The following MSANTD1 variants were observed in gnomAD, a reference collection of about 807,000 sequenced individuals.
MSANTD1 encodes Myb/SANT DNA binding domain containing 1.
A neutral mutation model predicts 24.2 loss-of-function variants in MSANTD1; 7 were observed. The ratio of observed to expected loss-of-function variants is 0.29; its 90% confidence interval spans 0.16 to 0.54. The LOEUF (loss-of-function observed/expected upper bound fraction) is 0.54. Ranked by LOEUF, MSANTD1 falls within the 20% of genes least tolerant of loss-of-function variation. The pLI, the probability that MSANTD1 is intolerant of heterozygous loss-of-function variation, is 0.94. For missense variants in MSANTD1, 384 were observed against 408.2 expected, an observed-to-expected ratio of 0.94 and a Z score of 0.51; for synonymous variants, 177 against 181.1, an observed-to-expected ratio of 0.98 and a Z score of 0.18.
At position 3,255,946 on chromosome 4, in the gene MSANTD1, T is replaced by C; in HGVS notation, c.818T>C (p.Ile273Thr). 1 of 1,539,058 alleles carries C rather than the reference T, an allele frequency of 6.5e-7. No homozygotes were observed. Residue 273 changes from isoleucine to threonine, a missense_variant, in exon 3 of 3, where the codon ATC becomes ACC. By Grantham distance (89) the Ile-to-Thr change is moderately conservative (BLOSUM62 -1). Transcript: ENST00000438480. ...ATGATGAGTCTGCTGGAGAGGATCA[T>C]CACCAAGTCCAGCGTCTAGGCCAGC... ...ERMMSLLERI[I>T]TKSSV
chr4:3,253,627 C>G (rs370954483), intron 2 of MSANTD1, 145 bp downstream of exon 2: 2 of 814,542 alleles, frequency 2.5e-6, no homozygotes, highest in Admixed American at 3.2e-5. Context: ...CAGGGACAGG[C>G]GGCCTCAGAC....
At chr4:3,251,110 G>C (rs1469485141) in intron 1 of MSANTD1, among the ~76,000 whole-genome samples, 1 of 152,254 alleles carries the variant, frequency 6.6e-6, no homozygotes, top group Non-Finnish European at 1.5e-5. Context: ...GTGTGAGCCT[G>C]GGTATCTTCA....
chr4:3,252,056 C>A lies in MSANTD1; in HGVS notation c.321-1151C>A, dbSNP rs1385278818. On this transcript the variant is annotated intron_variant, in intron 1 of 2. Transcript: ENST00000438480. Reference sequence around the variant, plus strand: ...TTGTTTCCAACGGCCAATGGCCACACCCTGGCAGGTAGCAAGAGTAGGAGA... The same window carrying A: ...TTGTTTCCAACGGCCAATGGCCACAACCTGGCAGGTAGCAAGAGTAGGAGA... 3.3e-5 allele frequency among the ~76,000 whole-genome samples: 5 copies of A among 152,244 alleles called. No individual in the cohort carries two copies. The East Asian group carries it at 9.6e-4, about 29-fold the overall frequency.
intron 1 of MSANTD1, 128 bp downstream of exon 1, chr4:3,249,670 G>C (rs1238967317): frequency 1.1e-6 from 1 of 918,820 alleles, no homozygotes; most frequent in Non-Finnish European, 1.7e-6. Flanking sequence ...GGTCTCCTCT[G>C]GCCGGGTATG....
At chr4:3,255,465 C>CTG (rs1347770466) in intron 2 of MSANTD1, among the ~76,000 whole-genome samples, 2 of 152,154 alleles carry the variant, frequency 1.3e-5, no homozygotes, top group Non-Finnish European at 2.9e-5. Context: ...CTCAGGTGAT[C>CTG]CACCTGCCTC....
At position 3,253,393 on chromosome 4, in the gene MSANTD1, G is replaced by A; in HGVS notation, c.507G>A (p.Leu169=). ...SLSPPAKSTP[L]YFPYNQCSYE... ...CGCCGCCCGCTAAGTCCACCCCTCT[G>A]TACTTCCCGTATAACCAGTGCTCCT... The change falls in exon 2 of 3, where the codon CTG becomes CTA. Residue 169 remains leucine, a synonymous_variant. Coordinates refer to ENST00000438480, the MANE Select transcript of MSANTD1 (RefSeq NM_001042690.2). The A allele has an allele frequency of 6.2e-7, 1 of 1,608,498 alleles. No individual in the cohort carries two copies. The highest frequency in any genetic ancestry group is 8.5e-7 in the Non-Finnish European group (1 of 1,177,434).
upstream of MSANTD1, chr4:3,248,107 C>T (rs1401975359): frequency 6.6e-6 from 1 of 152,298 alleles, no homozygotes; most frequent in African/African-American, 2.4e-5. Context: ...GCCGTGGGCT[C>T]CACAGAGCCC....
chr4:3,246,157 C>T (rs915881581), upstream of MSANTD1, among the ~76,000 whole-genome samples: 1 of 152,172 alleles, frequency 6.6e-6, no homozygotes, highest in South Asian at 2.1e-4. Context: ...GAAGTCCAGG[C>T]TCCGGAGCCT....
chr4:3,251,189 C>T (rs529921447), intron 1 of MSANTD1, among the ~76,000 whole-genome samples: 1 of 152,358 alleles, frequency 6.6e-6, no homozygotes, highest in South Asian at 2.1e-4. Context: ...CCTGCTCAGG[C>T]ACCTGGTGAG....
chr4:3,249,118 C>T (rs1475090592), upstream of MSANTD1: 12 of 1,036,636 alleles, frequency 1.2e-5, no homozygotes, highest in Admixed American at 3.7e-5. Flanking sequence ...ATCAAAATGA[C>T]GTTTCCCGTT....
intron 1 of MSANTD1, among the ~76,000 whole-genome samples, chr4:3,249,783 C>CT (rs1230380210): frequency 1.3e-5 from 2 of 152,236 alleles, no homozygotes; most frequent in African/African-American, 4.8e-5. Flanking sequence ...GGAAACCAGT[C>CT]TAAGAGCTGA....
chr4:3,255,670 C>G lies in MSANTD1; in HGVS notation c.597-55C>G, dbSNP rs966605915. 8 of 1,466,336 alleles carry G rather than the reference C, an allele frequency of 5.5e-6. No individual in the cohort carries two copies. In the African/African-American group the frequency reaches 9.9e-5, roughly 18 times the overall value. 90.8% of individuals were successfully genotyped at this position (1,466,336 alleles called of 1,614,324 possible). On this transcript the variant is annotated intron_variant, in intron 2 of 2. Coordinates refer to ENST00000438480, the MANE Select transcript of MSANTD1 (RefSeq NM_001042690.2). ...TTGTCGGGAGGGTCCGGTGAGGCCC[C>G]TGGTGTGCCCAGGCTCTGTGGCCAG...
In MSANTD1 at chr4:3,249,205, G is replaced by A. The variant is rs1479182410; in HGVS notation, c.-18G>A. 1.4e-6 allele frequency: 2 copies of A among 1,380,844 alleles called. No homozygotes were observed. The highest frequency in any genetic ancestry group is 1.9e-6 in the Non-Finnish European group (2 of 1,070,370). 85.5% of individuals were successfully genotyped at this position (1,380,844 alleles called of 1,614,324 possible). A position where few individuals can be genotyped will look rare whatever the true frequency, so the allele number is the denominator to read the frequency against. On this transcript the variant is annotated 5_prime_UTR_variant, in exon 1 of 3. Coordinates refer to ENST00000438480, the MANE Select transcript of MSANTD1 (RefSeq NM_001042690.2). ...CGTGGAGCTGCCTTCGAGCGAGCGT[G>A]AGCGGCGCCTCCCGCCCATGGTGCG...
chr4:3,246,781 A>T, upstream of MSANTD1: 1 of 617,132 alleles, frequency 1.6e-6, no homozygotes, highest in East Asian at 2.9e-5. Context: ...CTCACATTGG[A>T]GGTCAGTGTG....
chr4:3,255,580 A>C, intron 2 of MSANTD1, 145 bp from the exon 3 acceptor site: 3 of 1,106,510 alleles, frequency 2.7e-6, no homozygotes, highest in Non-Finnish European at 1.2e-6. Flanking sequence ...TGCACATGGA[A>C]TATGAGACCC....
chr4:3,255,187 A>C (rs980237939), intron 2 of MSANTD1, among the ~76,000 whole-genome samples: 1 of 151,482 alleles, frequency 6.6e-6, no homozygotes, highest in African/African-American at 2.4e-5. Flanking sequence ...GTCATCCGCT[A>C]GTCGCAAAGG....
At chr4:3,249,901 CCACTG>C (rs1402267354) in intron 1 of MSANTD1, among the ~76,000 whole-genome samples, 43 of 152,180 alleles carry the variant, frequency 2.8e-4, no homozygotes, top group Non-Finnish European at 7.3e-5. Context: ...ATGGTGGTGC[CCACTG>C]ACCTCACACC....
intron 1 of MSANTD1, among the ~76,000 whole-genome samples, chr4:3,250,837 G>A (rs1722203676): frequency 6.6e-6 from 1 of 152,214 alleles, no homozygotes; most frequent in African/African-American, 2.4e-5. Flanking sequence ...CGAGGAGCCG[G>A]CCTCCAGCAC....
chr4:3,255,593 A>T (rs2110323866), intron 2 of MSANTD1, 132 bp from the exon 3 acceptor site: 1 of 1,206,014 alleles, frequency 8.3e-7, no homozygotes, highest in East Asian at 2.6e-5. Flanking sequence ...TGAGACCCTG[A>T]GTAAGTGACC....
Sources: allele counts gnomAD v4.1 joint callset (sites outside exome capture counted in the v4.1 genomes callset), GRCh38; gene constraint gnomAD v4.1.1; transcripts MANE v1.5; gene names NCBI Gene and HGNC (gene_info 2026-07-23, HGNC 2026-07-21).